The following CFDP1 variants were observed in gnomAD, a reference collection of about 807,000 sequenced individuals.
The protein encoded by CFDP1 is chromatin remodeling protein CFDP1.
Under a neutral mutation model 40.1 loss-of-function variants are expected in CFDP1, and 31 were observed. That is an observed-to-expected ratio of 0.77 (90% CI 0.58 to 1.04). CFDP1 has a LOEUF of 1.04. Ranked by LOEUF, CFDP1 falls within the 50% of genes least tolerant of loss-of-function variation. CFDP1 has a pLI of 0.00. For missense variants in CFDP1, 423 were observed against 343.4 expected, an observed-to-expected ratio of 1.23 and a Z score of -1.83; for synonymous variants, 167 against 120.0, an observed-to-expected ratio of 1.39 and a Z score of -2.56.
chr16:75,369,448 C>A (rs1243616255), intron 5 of CFDP1, among the ~76,000 whole-genome samples: 2 of 151,988 alleles, frequency 1.3e-5, no homozygotes, highest in African/African-American at 4.8e-5. Flanking sequence ...CACTGCTATA[C>A]AGAATTCTAG....
Position 75,293,956 on chromosome 16 carries a change from G to T in CFDP1, c.896C>A (p.Pro299His). 1 of 1,613,652 alleles carries T rather than the reference G, an allele frequency of 6.2e-7. No homozygotes were observed. Residue 299 changes from proline to histidine, a missense_variant, in exon 7 of 7, where the codon CCT becomes CAT. Pro to His is a moderately conservative substitution (Grantham distance 77). Coordinates refer to ENST00000283882, the MANE Select transcript of CFDP1 (RefSeq NM_006324.3). ...CTCTTGATTTAGCCCGTAACATCAA[G>T]GTTTCATTTTGCTCAGCCTGAGATC... ...ERDLRLSKMK[P>H]
intron 5 of CFDP1, chr16:75,324,951 C>T (rs1187133837): frequency 6.6e-6 from 1 of 152,130 alleles, no homozygotes; most frequent in Non-Finnish European, 1.5e-5. Flanking sequence ...GTCCCCTTAC[C>T]TGTAGAATGG....
intron 2 of CFDP1, among the ~76,000 whole-genome samples, chr16:75,413,058 A>T (rs117144784): frequency 0.019 from 2,835 of 152,332 alleles, 53 homozygotes; most frequent in South Asian, 0.067. Context: ...CAAATCACCT[A>T]ATCACAGAAT....
chr16:75,327,903 TA>T (rs1473639653), intron 5 of CFDP1, among the ~76,000 whole-genome samples: 1 of 152,098 alleles, frequency 6.6e-6, no homozygotes, highest in Non-Finnish European at 1.5e-5. Flanking sequence ...TTTTTGCGTG[TA>T]TTTTTAGTAG....
intron 6 of CFDP1, among the ~76,000 whole-genome samples, chr16:75,296,125 G>A (rs747950421): frequency 2.0e-5 from 3 of 152,218 alleles, no homozygotes; most frequent in Non-Finnish European, 2.9e-5. Context: ...TTGTTCACCT[G>A]GGGGTGTAAG....
chr16:75,424,265 T>C (rs2079309638), intron 1 of CFDP1, among the ~76,000 whole-genome samples: 1 of 152,206 alleles, frequency 6.6e-6, no homozygotes, highest in Admixed American at 6.5e-5. Flanking sequence ...TGCTTAGACT[T>C]TGTGCCTCAG....
chr16:75,335,264 G>A (rs76117949), intron 5 of CFDP1, among the ~76,000 whole-genome samples: 2,041 of 152,256 alleles, frequency 0.013, 43 homozygotes, highest in African/African-American at 0.044. Flanking sequence ...TAACTTGTTA[G>A]ATGTCTTGTC....
At chr16:75,341,557 C>T (rs759873731) in intron 5 of CFDP1, among the ~76,000 whole-genome samples, 3 of 151,982 alleles carry the variant, frequency 2.0e-5, no homozygotes, top group Admixed American at 6.6e-5. Flanking sequence ...CAAGGGAACC[C>T]TCTCAGTGAG....
chr16:75,335,635 C>A (rs1015582741), intron 5 of CFDP1, among the ~76,000 whole-genome samples: 1 of 150,556 alleles, frequency 6.6e-6, no homozygotes, highest in Non-Finnish European at 1.5e-5. Flanking sequence ...CGGCTCACTG[C>A]AAGCTCCGCC....
chr16:75,432,336 G>C (rs2079430736), intron 1 of CFDP1, among the ~76,000 whole-genome samples: 1 of 135,778 alleles, frequency 7.4e-6, no homozygotes, highest in African/African-American at 2.7e-5. Context: ...ACGAGTTCGA[G>C]ACCAGCCTGG....
intron 5 of CFDP1, among the ~76,000 whole-genome samples, chr16:75,352,131 A>C (rs2078617105): frequency 6.6e-6 from 1 of 151,916 alleles, no homozygotes; most frequent in Non-Finnish European, 1.5e-5. Context: ...ACTTGAGGTC[A>C]GGAGTTTGAG....
Position 75,325,138 on chromosome 16 carries a change from T to G in CFDP1, c.651-19956A>C, listed in dbSNP as rs117458969. 992 of 152,516 alleles carry G rather than the reference T, an allele frequency of 6.5e-3. 8 individuals are homozygous for G. Among genetic ancestry groups the G allele is most frequent in the Middle Eastern group, 0.017 (5 of 298 alleles). The allele number at this position is 152,516 out of a possible 1,614,324, so 9.4% of individuals were successfully genotyped here. A position where few individuals can be genotyped will look rare whatever the true frequency, so the allele number is the denominator to read the frequency against. On this transcript the variant is annotated intron_variant, in intron 5 of 6. Coordinates refer to ENST00000283882, the MANE Select transcript of CFDP1 (RefSeq NM_006324.3). ...CCTATGACCCCCAAATGTCTTACCT[T>G]CAGCCCAGACTCTAACTCCAGCTTT...
chr16:75,327,159 C>T lies in CFDP1; in HGVS notation c.651-21977G>A, dbSNP rs965242084. On this transcript the variant is annotated intron_variant, in intron 5 of 6. Transcript: ENST00000283882. ...GCGGACGCCTGTAGTTCCAGCTATT[C>T]GGGAGGCTGAGGCAGGAGAATAGCG... Among the ~76,000 whole-genome samples, 6 of 152,056 alleles carry T rather than the reference C, an allele frequency of 3.9e-5. 1 individual carries two copies. The highest frequency in any genetic ancestry group is 9.7e-5 in the African/African-American group (4 of 41,412).
rs370560605 is a variant in CFDP1 at position 75,358,329 on chromosome 16, A to G, written c.650+36761T>C. ...CAGTGCCATCAGATGAGGCATGCCT[A>G]CATATAGGAACTCTCCATGTCATTT... On this transcript the variant is annotated intron_variant, in intron 5 of 6. Coordinates refer to ENST00000283882, the MANE Select transcript of CFDP1 (RefSeq NM_006324.3). Among the ~76,000 whole-genome samples the G allele has an allele frequency of 1.4e-4, 22 of 152,338 alleles. 3 individuals are homozygous for G. Among genetic ancestry groups the G allele is most frequent in the Admixed American group, 6.5e-4 (10 of 15,294 alleles).
intron 5 of CFDP1, chr16:75,379,764 G>C (rs1279997404): frequency 1.3e-5 from 2 of 152,114 alleles, no homozygotes; most frequent in African/African-American, 4.8e-5. Context: ...AAGGAACAAG[G>C]AATCTCTGCA....
chr16:75,393,800 C>A (rs1214286301), intron 5 of CFDP1, among the ~76,000 whole-genome samples: 1 of 142,656 alleles, frequency 7.0e-6, no homozygotes, highest in African/African-American at 2.6e-5. Context: ...TGGCTCACGC[C>A]TGTAATCCTA....
intron 5 of CFDP1, chr16:75,391,235 A>C (rs985111167): frequency 6.6e-6 from 1 of 152,270 alleles, no homozygotes; most frequent in Non-Finnish European, 1.5e-5. Context: ...GGAAACTAGA[A>C]GTAAAAACTG....
rs1468027870 is a variant in CFDP1 at position 75,394,179 on chromosome 16, A to G, written c.650+911T>C. ...AAGCCACTGTAGGAGACTATGCAGAACTCCCCACAGGAGTCAGGTGGGTAG... is the reference window on the plus strand; with the variant it reads ...AAGCCACTGTAGGAGACTATGCAGAGCTCCCCACAGGAGTCAGGTGGGTAG... On this transcript the variant is annotated intron_variant, in intron 5 of 6. Transcript: ENST00000283882. Among the ~76,000 whole-genome samples, 3 of 152,284 alleles carry G rather than the reference A, an allele frequency of 2.0e-5. No individual in the cohort carries two copies. The East Asian group carries it at 5.8e-4, about 29-fold the overall frequency.
chr16:75,408,147 G>A (rs1252081746), intron 4 of CFDP1, among the ~76,000 whole-genome samples: 1 of 148,544 alleles, frequency 6.7e-6, no homozygotes, highest in African/African-American at 2.5e-5. Flanking sequence ...AGGGAGGGAG[G>A]GAAGGAGGAG....
Sources: allele counts gnomAD v4.1 joint callset (sites outside exome capture counted in the v4.1 genomes callset), GRCh38; gene constraint gnomAD v4.1.1; transcripts MANE v1.5; gene names NCBI Gene and HGNC (gene_info 2026-07-23, HGNC 2026-07-21).